NDRG3: variants seen among roughly 807,000 people sequenced by gnomAD.
NDRG3 encodes the protein protein NDRG3.
Under a neutral mutation model 57.2 loss-of-function variants are expected in NDRG3, and 23 were observed. That is an observed-to-expected ratio of 0.40 (90% CI 0.29 to 0.57). The LOEUF (loss-of-function observed/expected upper bound fraction) is 0.57. NDRG3 is among the 20% of genes least tolerant of loss of function. NDRG3 has a pLI of 0.42. For missense variants in NDRG3, 384 were observed against 457.3 expected, an observed-to-expected ratio of 0.84 and a Z score of 1.46; for synonymous variants, 132 against 162.6, an observed-to-expected ratio of 0.81 and a Z score of 1.43.
chr20:36,725,013 C>T (rs527314994), intron 1 of NDRG3, among the ~76,000 whole-genome samples: 4 of 151,732 alleles, frequency 2.6e-5, no homozygotes, highest in South Asian at 4.2e-4. Flanking sequence ...ATATGAAAAT[C>T]GGCCGGGCGC....
intron 12 of NDRG3, among the ~76,000 whole-genome samples, chr20:36,662,657 G>T (rs956841530): frequency 2.1e-4 from 32 of 152,304 alleles, no homozygotes; most frequent in Middle Eastern, 3.4e-3. Context: ...ACAATGACTA[G>T]AATTTGTAGA....
chr20:36,654,611 C>A (rs1428331839), intron 15 of NDRG3, among the ~76,000 whole-genome samples: 1 of 152,198 alleles, frequency 6.6e-6, no homozygotes, highest in Admixed American at 6.5e-5. Context: ...AGGAGGCCTG[C>A]CCCTTACAAC....
chr20:36,656,433 G>A (rs1293042604), intron 14 of NDRG3, 22 bp from the exon 15 acceptor site: 4 of 1,614,092 alleles, frequency 2.5e-6, no homozygotes, highest in Admixed American at 3.3e-5. Flanking sequence ...AAACAAGAGG[G>A]CATTAATTTT....
intron 3 of NDRG3, among the ~76,000 whole-genome samples, chr20:36,697,513 C>T (rs1982892168): frequency 6.6e-6 from 1 of 152,068 alleles, no homozygotes. Flanking sequence ...TTGAGACCAG[C>T]CTGGCCAGTA....
intron 3 of NDRG3, among the ~76,000 whole-genome samples, chr20:36,691,039 G>T (rs1158275014): frequency 6.6e-6 from 1 of 152,208 alleles, no homozygotes; most frequent in East Asian, 1.9e-4. Flanking sequence ...CTATCCTAGC[G>T]AATTTCTGTT....
At chr20:36,663,239 T>A (rs1426785837) in intron 12 of NDRG3, among the ~76,000 whole-genome samples, 3 of 152,140 alleles carry the variant, frequency 2.0e-5, no homozygotes, top group African/African-American at 7.2e-5. Context: ...ACACGTAGTG[T>A]TTTACAGGGC....
At position 36,702,864 on chromosome 20, in the gene NDRG3, A is replaced by T. The variant is rs935289453; in HGVS notation, c.93+4108T>A. ...CATGCCTGGCTAGTTTTGTATTTTC[A>T]ATAGAGACGGGGTTTCTCCATGCTG... On this transcript the variant is annotated intron_variant, in intron 3 of 15. Coordinates refer to ENST00000349004, the MANE Select transcript of NDRG3 (RefSeq NM_032013.4). Among the ~76,000 whole-genome samples, 3 of 151,786 alleles carry T rather than the reference A, an allele frequency of 2.0e-5. No individual in the cohort carries two copies. In the South Asian group the frequency reaches 6.2e-4, roughly 32 times the overall value.
chr20:36,718,713 C>T (rs1402640274), intron 2 of NDRG3, among the ~76,000 whole-genome samples: 1 of 152,144 alleles, frequency 6.6e-6, no homozygotes, highest in African/African-American at 2.4e-5. Context: ...CAGGGTCTCA[C>T]TCTGTTGCCC....
intron 5 of NDRG3, among the ~76,000 whole-genome samples, chr20:36,685,292 TTTATTATTA>T (rs534950226): frequency 5.3e-5 from 8 of 150,514 alleles, no homozygotes; most frequent in South Asian, 2.1e-4. Context: ...TTTTTAAAAT[TTTATTATTA>T]TTATTATTAT....
intron 15 of NDRG3, among the ~76,000 whole-genome samples, chr20:36,654,191 G>A (rs1978452951): frequency 6.6e-6 from 1 of 152,204 alleles, no homozygotes; most frequent in South Asian, 2.1e-4. Flanking sequence ...GTAGGATGGT[G>A]CAGGTGAAGG....
At chr20:36,693,299 AG>A (rs1246091698) in intron 3 of NDRG3, among the ~76,000 whole-genome samples, 1 of 149,810 alleles carries the variant, frequency 6.7e-6, no homozygotes, top group Non-Finnish European at 1.5e-5. Context: ...GGACATGTGC[AG>A]AGATGTACGG....
Position 36,656,348 on chromosome 20 carries a change from T to C in NDRG3, c.946+12A>G. On this transcript the variant is annotated intron_variant, in intron 15 of 15. Coordinates refer to ENST00000349004, the MANE Select transcript of NDRG3 (RefSeq NM_032013.4). ...TAAATCGTTGCTAGATAGAAAGTTG[T>C]GTACTACTCACTGTAGCCCATTCCC... 6.2e-7 allele frequency: 1 copy of C among 1,613,418 alleles called. No homozygotes were observed.
At chr20:36,696,456 C>G (rs1442674939) in intron 3 of NDRG3, among the ~76,000 whole-genome samples, 1 of 152,016 alleles carries the variant, frequency 6.6e-6, no homozygotes, top group Non-Finnish European at 1.5e-5. Flanking sequence ...GCTGGGATTG[C>G]AAGTGTGAGC....
chr20:36,708,791 C>A (rs1335296904), intron 2 of NDRG3, among the ~76,000 whole-genome samples: 2 of 152,154 alleles, frequency 1.3e-5, no homozygotes, highest in Non-Finnish European at 2.9e-5. Context: ...CCCAGCACGG[C>A]ACTTTGGGAG....
intron 1 of NDRG3, among the ~76,000 whole-genome samples, chr20:36,728,700 T>C (rs1336604429): frequency 3.9e-5 from 6 of 152,046 alleles, no homozygotes; most frequent in Admixed American, 3.9e-4. Flanking sequence ...ACACATCTGG[T>C]TCAAGGCATT....
At chr20:36,719,155 G>A (rs1375026443) in intron 2 of NDRG3, among the ~76,000 whole-genome samples, 1 of 152,130 alleles carries the variant, frequency 6.6e-6, no homozygotes, top group Non-Finnish European at 1.5e-5. Flanking sequence ...GTGGCCGGGC[G>A]TGGAAGTTCA....
In NDRG3 at chr20:36,665,063, G is replaced by A. The variant is rs1463662995; in HGVS notation, c.793C>T (p.Pro265Ser). ...ATACTTACCACAGCCTCAACTGCAG[G>A]CGAATTGTCCCCTACCACCAGTAAA... ...STLLVVGDNS[P>S]AVEAVVECNS... The change falls in exon 12 of 16, where the codon CCT becomes TCT. Residue 265 changes from proline to serine, a missense_variant. Transcript: ENST00000349004. 4.3e-6 allele frequency: 7 copies of A among 1,613,976 alleles called. No homozygotes were observed. Among genetic ancestry groups the A allele is most frequent in the Admixed American group, 1.7e-5 (1 of 59,976 alleles).
intron 12 of NDRG3, among the ~76,000 whole-genome samples, chr20:36,662,689 C>T (rs1448674019): frequency 2.0e-5 from 3 of 152,160 alleles, no homozygotes; most frequent in Non-Finnish European, 4.4e-5. Flanking sequence ...CTCTTCCATG[C>T]GTGGATATTC....
chr20:36,733,633 C>T (rs960780320), intron 1 of NDRG3, among the ~76,000 whole-genome samples: 6 of 151,400 alleles, frequency 4.0e-5, no homozygotes, highest in Non-Finnish European at 2.9e-5. Context: ...TGAGGCAGAG[C>T]TTGCAGTGAG....
Sources: gnomAD v4.1 joint callset for allele counts (sites outside exome capture counted in the v4.1 genomes callset) on GRCh38, gnomAD v4.1.1 for gene constraint, MANE v1.5 for transcripts, NCBI Gene and HGNC (gene_info 2026-07-23, HGNC 2026-07-21) for gene names.